Variants in SIPA1L2 observed in about 807,000 individuals in gnomAD.
SIPA1L2 encodes the protein signal-induced proliferation-associated 1-like protein 2.
Under a neutral mutation model 163.9 loss-of-function variants are expected in SIPA1L2, and 56 were observed. That is an observed-to-expected ratio of 0.34 (90% CI 0.28 to 0.43). The LOEUF is 0.43. Ranked by LOEUF, SIPA1L2 falls within the 20% of genes least tolerant of loss-of-function variation. The pLI is 1.00. For missense variants in SIPA1L2, 1,974 were observed against 2,193.5 expected (o/e 0.90, Z 2.00); for synonymous variants, 877 against 865.7 (o/e 1.01, Z -0.23).
intron 11 of SIPA1L2, among the ~76,000 whole-genome samples, chr1:232,444,858 ACT>A (rs1187841047): frequency 6.6e-6 from 1 of 152,136 alleles, no homozygotes; most frequent in African/African-American, 2.4e-5. Context: ...AATTGAGAAA[ACT>A]CATGGCATTA....
chr1:232,427,718 C>G (rs776566799), intron 17 of SIPA1L2, among the ~76,000 whole-genome samples: 11 of 152,192 alleles, frequency 7.2e-5, no homozygotes, highest in Middle Eastern at 3.2e-3. Context: ...CTAACATTAT[C>G]GAGTACTACA....
intron 2 of SIPA1L2, among the ~76,000 whole-genome samples, chr1:232,567,592 T>C (rs1659480780): frequency 6.6e-6 from 1 of 152,194 alleles, no homozygotes; most frequent in Non-Finnish European, 1.5e-5. Flanking sequence ...AAGGAGTTTG[T>C]TTTGAGCCTG....
chr1:232,484,598 T>C (rs1295811871), intron 5 of SIPA1L2, among the ~76,000 whole-genome samples: 1 of 152,206 alleles, frequency 6.6e-6, no homozygotes, highest in African/African-American at 2.4e-5. Flanking sequence ...CTTGAAAACA[T>C]CTGCTAAATA....
At chr1:232,546,983 C>T (rs1334153320) in intron 2 of SIPA1L2, among the ~76,000 whole-genome samples, 1 of 152,044 alleles carries the variant, frequency 6.6e-6, no homozygotes, top group Non-Finnish European at 1.5e-5. Flanking sequence ...CATGACAGAG[C>T]ACTGGGAAAT....
intron 7 of SIPA1L2, among the ~76,000 whole-genome samples, chr1:232,478,154 A>G (rs151067870): frequency 6.6e-6 from 1 of 152,334 alleles, no homozygotes; most frequent in African/African-American, 2.4e-5. Flanking sequence ...CCTTAGGTTA[A>G]AATATACATA....
chr1:232,525,270 C>G (rs1370058978), intron 2 of SIPA1L2, among the ~76,000 whole-genome samples: 1 of 118,496 alleles, frequency 8.4e-6, no homozygotes, highest in Non-Finnish European at 1.6e-5. Flanking sequence ...GAGTCTTGCT[C>G]TGTCGCCCAG....
intron 3 of SIPA1L2, among the ~76,000 whole-genome samples, chr1:232,504,386 G>A (rs180886117): frequency 2.0e-5 from 3 of 151,276 alleles, no homozygotes; most frequent in Non-Finnish European, 4.4e-5. Context: ...AAAAATAAAC[G>A]AACTAGCCAG....
In SIPA1L2 at chr1:232,515,556, CTT is replaced by C; in HGVS notation, c.-219_-218del. 2.0e-6 allele frequency: 1 copy of C among 494,822 alleles called. No individual in the cohort carries two copies. The highest frequency in any genetic ancestry group is 3.5e-6 in the Non-Finnish European group (1 of 286,220). The allele number at this position is 494,822 out of a possible 1,614,324, so 30.7% of individuals were successfully genotyped here. On this transcript the variant is annotated 5_prime_UTR_variant, in exon 3 of 23. An upstream open reading frame in the 5' UTR gains an earlier in-frame stop. Coordinates refer to ENST00000674635, the MANE Select transcript of SIPA1L2 (RefSeq NM_020808.5). ...CGTAATAATGTTGTACGCCTCTGTT[CTT>C]TTCAAAAGCATTCCTTAAGACATCT...
At position 232,445,806 on chromosome 1, in the gene SIPA1L2, T is replaced by G; in HGVS notation, c.3096-20A>C. ...CACCCTCTGTTGGGCCAAGAAGAAA[T>G]GGTGAGAAGGGAAGCTCTCAGCTGA... On this transcript the variant is annotated intron_variant, in intron 10 of 22. Transcript: ENST00000674635. 2 of 1,606,166 alleles carry G rather than the reference T, an allele frequency of 1.2e-6. No homozygotes were observed. The highest frequency in any genetic ancestry group is 1.7e-6 in the Non-Finnish European group (2 of 1,175,748).
At chr1:232,513,751 C>G in intron 3 of SIPA1L2, 106 bp downstream of exon 3, 1 of 1,214,740 alleles carries the variant, frequency 8.2e-7, no homozygotes, top group Non-Finnish European at 1.1e-6. Flanking sequence ...TGGACTATGG[C>G]CTTGGACACT....
At position 232,465,242 on chromosome 1, in the gene SIPA1L2, C is replaced by T. The variant is rs1177856123; in HGVS notation, c.2418G>A (p.Gln806=). ...TCTCCGCCAGATCTTTCAAGTACTC[C>T]TGCCTCGTTCGAGTGGCCATTGCTC... The part of the protein sequence containing the change: ...KFRAMATRTR[Q]EYLKDLAENF... The change falls in exon 9 of 23, where the codon CAG becomes CAA. Residue 806 remains glutamine (Q), a synonymous_variant. Transcript: ENST00000674635. The surrounding 1 kb of genome is among the most constrained non-coding windows in gnomAD (Gnocchi z 4.1). 6.2e-7 allele frequency: 1 copy of T among 1,614,188 alleles called. No individual in the cohort carries two copies. Among genetic ancestry groups the T allele is most frequent in the South Asian group, 1.1e-5 (1 of 91,080 alleles).
intron 1 of SIPA1L2, among the ~76,000 whole-genome samples, chr1:232,588,920 AATG>A (rs752379520): frequency 3.9e-5 from 6 of 152,232 alleles, no homozygotes; most frequent in African/African-American, 1.2e-4. Context: ...TAAATTCAAT[AATG>A]ATTTCTAAAA....
intron 2 of SIPA1L2, among the ~76,000 whole-genome samples, chr1:232,528,105 C>CATT (rs1226852614): frequency 9.9e-6 from 1 of 100,560 alleles, no homozygotes; most frequent in Non-Finnish European, 1.9e-5. Context: ...TATATATAAT[C>CATT]AACTTTCTAA....
chr1:232,609,845 A>G (rs1662150175), intron 1 of SIPA1L2, among the ~76,000 whole-genome samples: 1 of 144,660 alleles, frequency 6.9e-6, no homozygotes, highest in Non-Finnish European at 1.5e-5. Context: ...AAAAAAAAAA[A>G]GAAAAAGAAA....
rs1666745813 is a variant in SIPA1L2 at position 232,506,694 on chromosome 1, T to C, written c.1483+7163A>G. Among the ~76,000 whole-genome samples, 5 of 152,204 alleles carry C rather than the reference T, an allele frequency of 3.3e-5. No homozygotes were observed. In the South Asian group the frequency reaches 1.0e-3, roughly 32 times the overall value. ...TAAAAATTAGCACTGGAGGAAAGGG[T>C]GGGTTTACAAAGAGCTAGGTAAGAG... On this transcript the variant is annotated intron_variant, in intron 3 of 22. Coordinates refer to ENST00000674635, the MANE Select transcript of SIPA1L2 (RefSeq NM_020808.5).
chr1:232,479,962 A>T (rs978834314), intron 6 of SIPA1L2, among the ~76,000 whole-genome samples: 2 of 152,046 alleles, frequency 1.3e-5, no homozygotes, highest in Middle Eastern at 3.4e-3. Context: ...CTGCACCTTT[A>T]GTTTCCTCGC....
In SIPA1L2 at chr1:232,399,087, G is replaced by C; in HGVS notation, c.*40C>G. ...CATGTTTGTGACTTCAAAGGGACAA[G>C]GGGCATTTCCCAGTGGTCCCTTGAT... On this transcript the variant is annotated 3_prime_UTR_variant, in exon 23 of 23. Coordinates refer to ENST00000674635, the MANE Select transcript of SIPA1L2 (RefSeq NM_020808.5). 6.2e-7 allele frequency: 1 copy of C among 1,612,944 alleles called. No individual in the cohort carries two copies. The highest frequency in any genetic ancestry group is 8.5e-7 in the Non-Finnish European group (1 of 1,179,290).
rs972096213 is a variant in SIPA1L2, at chr1:232,629,927, C to A, written c.-377G>T. Among the ~76,000 whole-genome samples the A allele has an allele frequency of 2.0e-5, 3 of 150,962 alleles. No homozygotes were observed. Among genetic ancestry groups the A allele is most frequent in the African/African-American group, 4.8e-5 (2 of 41,420 alleles). On this transcript the variant is annotated 5_prime_UTR_variant, in exon 1 of 23. Transcript: ENST00000674635. ...CCTGTGCGCGCCGGGCGGCGCGTAC[C>A]CGGGCTGCCGCCTCGCCGCCCGCCG...
At chr1:232,614,211 T>C (rs1046669097) in intron 1 of SIPA1L2, among the ~76,000 whole-genome samples, 5 of 152,122 alleles carry the variant, frequency 3.3e-5, no homozygotes, top group Admixed American at 2.0e-4. Flanking sequence ...ATAAAGGGTT[T>C]TGGCTGATGG....
Sources: allele counts gnomAD v4.1 joint callset (sites outside exome capture counted in the v4.1 genomes callset), GRCh38; gene constraint gnomAD v4.1.1; non-coding constraint Gnocchi (gnomAD v3.1); transcripts MANE v1.5; gene names NCBI Gene and HGNC (gene_info 2026-07-23, HGNC 2026-07-21).